Variants in RIT2 observed in about 807,000 individuals in gnomAD.
RIT2 encodes Ras like without CAAX 2, also known as GTP-binding protein Rit2.
Under a neutral mutation model 23.7 loss-of-function variants are expected in RIT2, and 24 were observed. The ratio of observed to expected loss-of-function variants is 1.01; its 90% CI spans 0.73 to 1.43. The LOEUF (loss-of-function observed/expected upper bound fraction) is 1.43, where lower values mean the gene tolerates loss of function less well. RIT2 is among the 40% of genes most tolerant of loss of function. The probability of loss-of-function intolerance (pLI) is 0.00; values close to 1 mark genes in which losing one functional copy is unlikely to be tolerated. For synonymous variants in RIT2, 107 were observed against 91.1 expected (o/e 1.17, Z -0.99); for missense variants, 236 against 266.9 (o/e 0.88, Z 0.81).
intron 2 of RIT2, among the ~76,000 whole-genome samples, chr18:43,027,202 T>C (rs941943014): frequency 5.9e-5 from 9 of 152,038 alleles, no homozygotes; most frequent in Non-Finnish European, 1.2e-4. Flanking sequence ...CTAGAGTTGA[T>C]TGAATAAAGT....
intron 1 of RIT2, among the ~76,000 whole-genome samples, chr18:43,107,215 C>A (rs947005839): frequency 1.3e-5 from 2 of 152,182 alleles, no homozygotes; most frequent in Non-Finnish European, 2.9e-5. Context: ...AGTCCCAACG[C>A]TACAGATGAA....
intron 4 of RIT2, among the ~76,000 whole-genome samples, chr18:42,856,714 G>A (rs116862537): frequency 6.6e-6 from 1 of 152,146 alleles, no homozygotes; most frequent in East Asian, 1.9e-4. Context: ...TGAATATGAA[G>A]GGATTAGACT....
intron 4 of RIT2, among the ~76,000 whole-genome samples, chr18:42,863,365 T>G (rs986992492): frequency 9.9e-5 from 15 of 152,250 alleles, no homozygotes; most frequent in African/African-American, 3.6e-4. Context: ...CTTGACAAAA[T>G]CAAAGGACCC....
rs963178828 is a variant in RIT2, at chr18:43,040,176, T to A, written c.104-6309A>T. Among the ~76,000 whole-genome samples the A allele has an allele frequency of 3.9e-5, 6 of 152,244 alleles. No homozygotes were observed. The East Asian group carries it at 1.2e-3, about 29-fold the overall frequency. On this transcript the variant is annotated intron_variant, in intron 1 of 4. Coordinates refer to ENST00000326695, the MANE Select transcript of RIT2 (RefSeq NM_002930.4). ...ATATTGGCAATACCAAATAAATAGGTGGAACCCTTCAAATATAGTGAATTC... is the reference window on the plus strand; with the variant it reads ...ATATTGGCAATACCAAATAAATAGGAGGAACCCTTCAAATATAGTGAATTC...
At chr18:42,951,853 C>G (rs1475297563) in intron 3 of RIT2, among the ~76,000 whole-genome samples, 7 of 152,246 alleles carry the variant, frequency 4.6e-5, no homozygotes. Context: ...AAAGACATCC[C>G]TGAGACTAGG....
intron 4 of RIT2, among the ~76,000 whole-genome samples, chr18:42,792,643 G>A (rs1306889366): frequency 6.6e-6 from 1 of 152,152 alleles, no homozygotes; most frequent in East Asian, 1.9e-4. Context: ...AGAACGATAA[G>A]GAATGTATAG....
chr18:42,905,533 T>G (rs901946824), intron 4 of RIT2, among the ~76,000 whole-genome samples: 1 of 152,154 alleles, frequency 6.6e-6, no homozygotes, highest in African/African-American at 2.4e-5. Context: ...AGTGCAGTGG[T>G]GCAATCTTGG....
At chr18:42,847,325 G>T (rs750215697) in intron 4 of RIT2, among the ~76,000 whole-genome samples, 2 of 152,016 alleles carry the variant, frequency 1.3e-5, no homozygotes, top group Non-Finnish European at 2.9e-5. Context: ...ATGTCCTGGG[G>T]CTCTACTTAA....
chr18:43,007,288 G>A (rs1911250068), intron 2 of RIT2, among the ~76,000 whole-genome samples: 1 of 151,674 alleles, frequency 6.6e-6, no homozygotes, highest in African/African-American at 2.4e-5. Flanking sequence ...TATATGCTCT[G>A]ACAAGATACA....
chr18:42,906,132 A>G (rs1908615109), intron 4 of RIT2, among the ~76,000 whole-genome samples: 1 of 151,280 alleles, frequency 6.6e-6, no homozygotes, highest in African/African-American at 2.4e-5. Flanking sequence ...TCAATATTGA[A>G]TACCAATTTT....
At chr18:42,827,393 G>A (rs1030278525) in intron 4 of RIT2, among the ~76,000 whole-genome samples, 1 of 152,058 alleles carries the variant, frequency 6.6e-6, no homozygotes. Context: ...AAAGACCTCA[G>A]GGTAGTAAAA....
At chr18:42,798,167 T>C (rs1046896011) in intron 4 of RIT2, among the ~76,000 whole-genome samples, 16 of 152,234 alleles carry the variant, frequency 1.1e-4, no homozygotes, top group African/African-American at 3.6e-4. Context: ...ATTGTGGTGT[T>C]TTGTCTTCAG....
intron 4 of RIT2, among the ~76,000 whole-genome samples, chr18:42,753,687 G>A (rs1913098211): frequency 6.6e-6 from 1 of 152,100 alleles, no homozygotes; most frequent in South Asian, 2.1e-4. Flanking sequence ...CATCTTATTT[G>A]CTAACTTGAA....
Position 42,771,670 on chromosome 18 carries a change from C to G in RIT2, c.427-27950G>C, listed in dbSNP as rs966383790. Among the ~76,000 whole-genome samples, 8 of 152,208 alleles carry G rather than the reference C, an allele frequency of 5.3e-5. No homozygotes were observed. The South Asian group carries it at 6.2e-4, about 12-fold the overall frequency. ...CTCATCTTTAGTAAGGGGAAGAAGT[C>G]ACTAAACAATTTAGATTTTTTTCTA... On this transcript the variant is annotated intron_variant, in intron 4 of 4. Coordinates refer to ENST00000326695, the MANE Select transcript of RIT2 (RefSeq NM_002930.4).
intron 2 of RIT2, among the ~76,000 whole-genome samples, chr18:42,979,581 G>A (rs1422481674): frequency 5.9e-5 from 9 of 152,092 alleles, no homozygotes; most frequent in Non-Finnish European, 1.3e-4. Flanking sequence ...CATCTCAATT[G>A]TAGGTACATA....
At position 42,820,325 on chromosome 18, in the gene RIT2, G is replaced by A. The variant is rs184375016; in HGVS notation, c.427-76605C>T. On this transcript the variant is annotated intron_variant, in intron 4 of 4. Transcript: ENST00000326695. ...TGAACATCATCAGGACCCTGACCTCGAACAGAAAATGAGTGTTTAGGTAGA... is the reference window on the plus strand; with the variant it reads ...TGAACATCATCAGGACCCTGACCTCAAACAGAAAATGAGTGTTTAGGTAGA... Among the ~76,000 whole-genome samples the A allele has an allele frequency of 1.8e-4, 27 of 151,930 alleles. No individual in the cohort carries two copies. In the East Asian group the frequency reaches 3.1e-3, roughly 17 times the overall value.
chr18:42,749,116 A>C (rs575458955), intron 4 of RIT2, among the ~76,000 whole-genome samples: 2 of 152,084 alleles, frequency 1.3e-5, no homozygotes, highest in Non-Finnish European at 2.9e-5. Context: ...AACATTGCAA[A>C]GAATAAAAAT....
intron 1 of RIT2, among the ~76,000 whole-genome samples, chr18:43,034,646 T>C (rs1911934737): frequency 6.6e-6 from 1 of 152,188 alleles, no homozygotes; most frequent in South Asian, 2.1e-4. Context: ...GACTCTCTCC[T>C]TGAGCAAATT....
chr18:42,952,719 A>C (rs1459341383), intron 3 of RIT2, among the ~76,000 whole-genome samples: 1 of 152,094 alleles, frequency 6.6e-6, no homozygotes, highest in Admixed American at 6.6e-5. Context: ...AAAATCTTCC[A>C]ATTTTATGAA....
Sources: gnomAD v4.1 joint callset for allele counts (sites outside exome capture counted in the v4.1 genomes callset) on GRCh38, gnomAD v4.1.1 for gene constraint, MANE v1.5 for transcripts, NCBI Gene and HGNC (gene_info 2026-07-23, HGNC 2026-07-21) for gene names.